Variants in SRGAP3 observed in about 807,000 individuals in gnomAD.
SRGAP3 encodes the protein SLIT-ROBO Rho GTPase activating protein 3.
In SRGAP3, 39 loss-of-function variants were observed where a neutral mutation model predicts 121.1. The ratio of observed to expected loss-of-function variants is 0.32; its 90% CI spans 0.25 to 0.42. The LOEUF is 0.42. Among genes scored for constraint, SRGAP3 ranks in the 10% least tolerant of loss-of-function variants. SRGAP3 has a pLI of 1.00. For synonymous variants in SRGAP3, 601 were observed against 570.0 expected, an observed-to-expected ratio of 1.05 and a Z score of -0.77; for missense variants, 1,213 against 1,470.6, an observed-to-expected ratio of 0.82 and a Z score of 2.86.
chr3:9,105,552 C>G (rs537237277), intron 2 of SRGAP3, among the ~76,000 whole-genome samples: 1 of 152,212 alleles, frequency 6.6e-6, no homozygotes, highest in Non-Finnish European at 1.5e-5. Context: ...AGAGCATGAC[C>G]TGGGGACTGG....
At position 8,990,547 on chromosome 3, in the gene SRGAP3, C is replaced by T; in HGVS notation, c.2851G>A (p.Asp951Asn). The change falls in exon 21 of 22, where the codon GAC (aspartate) becomes AAC (asparagine). Residue 951 changes from aspartate to asparagine, a missense_variant. Asp to Asn is a conservative substitution (Grantham distance 23, BLOSUM62 1). Coordinates refer to ENST00000383836, the MANE Select transcript of SRGAP3 (RefSeq NM_014850.4). ...CGSTRHSSLG[D>N]HKSLEAEALA... ...GCCTCGGCCTCCAGGGACTTGTGGT[C>T]CCCTAGGCTGCTGTGCCTGGTGGAA... 3 of 1,572,302 alleles carry T rather than the reference C, an allele frequency of 1.9e-6. No individual in the cohort carries two copies. The highest frequency in any genetic ancestry group is 1.9e-5 in the Admixed American group (1 of 53,202).
At chr3:9,159,284 C>T (rs1051362170) in intron 1 of SRGAP3, among the ~76,000 whole-genome samples, 5 of 134,168 alleles carry the variant, frequency 3.7e-5, no homozygotes, top group African/African-American at 1.4e-4. Flanking sequence ...ATGATATGTC[C>T]TCTCGCTTTT....
intron 1 of SRGAP3, chr3:9,350,167 T>C (rs1354742002): frequency 2.0e-5 from 3 of 152,350 alleles, no homozygotes; most frequent in Admixed American, 6.5e-5. Context: ...TGTCAGACAC[T>C]GTCCTAAGTG....
intron 1 of SRGAP3, among the ~76,000 whole-genome samples, chr3:9,198,334 C>T (rs1475900284): frequency 6.6e-6 from 1 of 152,224 alleles, no homozygotes; most frequent in African/African-American, 2.4e-5. Flanking sequence ...CATAGGCCCA[C>T]TGAGTCAAGG....
chr3:8,997,673 T>A (rs1942487545), intron 18 of SRGAP3, among the ~76,000 whole-genome samples: 1 of 152,204 alleles, frequency 6.6e-6, no homozygotes, highest in Non-Finnish European at 1.5e-5. Flanking sequence ...GTATGACATT[T>A]TTTAAACACA....
chr3:9,027,262 C>T (rs1378005045), intron 12 of SRGAP3, among the ~76,000 whole-genome samples: 1 of 152,218 alleles, frequency 6.6e-6, no homozygotes, highest in Non-Finnish European at 1.5e-5. Flanking sequence ...GCTCAGGAGG[C>T]CTGGCAGGCC....
rs753092636 is a variant in SRGAP3 at position 8,983,483 on chromosome 3, T to G, written c.*2036A>C. ...CCTAACTTATCTAGGTGCCAGTGAC[T>G]TAACTAGGTCCCTCCCTTTGGGTGT... On this transcript the variant is annotated 3_prime_UTR_variant, in exon 22 of 22. Coordinates refer to ENST00000383836, the MANE Select transcript of SRGAP3 (RefSeq NM_014850.4). The G allele has an allele frequency of 4.3e-6, 1 of 229,896 alleles. No individual in the cohort carries two copies. Among genetic ancestry groups the G allele is most frequent in the Non-Finnish European group, 8.6e-6 (1 of 115,966 alleles). 14.2% of individuals were successfully genotyped at this position (229,896 alleles called of 1,614,324 possible).
chr3:9,145,029 G>C (rs1949977521), intron 1 of SRGAP3, among the ~76,000 whole-genome samples: 1 of 152,138 alleles, frequency 6.6e-6, no homozygotes, highest in African/African-American at 2.4e-5. Context: ...CTCTAAGTTA[G>C]TAACTTTATC....
chr3:9,192,295 G>A (rs1301293215), intron 1 of SRGAP3, among the ~76,000 whole-genome samples: 1 of 152,184 alleles, frequency 6.6e-6, no homozygotes, highest in Non-Finnish European at 1.5e-5. Context: ...ACCCCACATA[G>A]TTTATGCTAA....
intron 3 of SRGAP3, among the ~76,000 whole-genome samples, chr3:9,305,467 T>C (rs1955143557): frequency 6.6e-6 from 1 of 151,808 alleles, no homozygotes; most frequent in Non-Finnish European, 1.5e-5. Context: ...TGTGCAGGTT[T>C]GGTACATAGG....
Position 9,229,068 on chromosome 3 carries a change from C to CAAA in SRGAP3, c.67+19814_67+19816dup, listed in dbSNP as rs61231273. ...TGGGCGACAGAGCGAGACTCCGTCT[C>CAAA]AAAAAAAAAAAAAAAAAAAAAAGTC... On this transcript the variant is annotated intron_variant, in intron 1 of 21. Transcript: ENST00000383836. Among the ~76,000 whole-genome samples, 156 of 73,770 alleles carry CAAA rather than the reference C, an allele frequency of 2.1e-3. 1 individual carries two copies. Among genetic ancestry groups the CAAA allele is most frequent in the African/African-American group, 2.9e-3 (58 of 19,990 alleles). 48.4% of individuals were successfully genotyped at this position (73,770 alleles called of 152,430 possible).
chr3:9,064,868 TAAATA>T (rs1946353259), intron 4 of SRGAP3, among the ~76,000 whole-genome samples: 1 of 74,294 alleles, frequency 1.3e-5, no homozygotes, highest in Non-Finnish European at 4.1e-5. Context: ...TAATAATAAA[TAAATA>T]AATAAATAAA....
chr3:9,141,715 G>C (rs1163786103), intron 1 of SRGAP3, among the ~76,000 whole-genome samples: 1 of 152,102 alleles, frequency 6.6e-6, no homozygotes, highest in Non-Finnish European at 1.5e-5. Flanking sequence ...AGCAGGGCCT[G>C]GTTGTTTGAA....
chr3:9,348,823 C>T (rs751859064), intron 1 of SRGAP3: 40 of 1,356,776 alleles, frequency 2.9e-5, no homozygotes, highest in South Asian at 7.0e-5. Flanking sequence ...TAATGGAGCC[C>T]GACCATCCTT....
intron 1 of SRGAP3, among the ~76,000 whole-genome samples, chr3:9,338,201 A>G (rs1955724098): frequency 1.3e-5 from 2 of 152,152 alleles, no homozygotes. Flanking sequence ...TTGGGGGGGA[A>G]TGGGGCAGAA....
chr3:9,132,430 C>T (rs192248621), intron 1 of SRGAP3, among the ~76,000 whole-genome samples: 1 of 152,280 alleles, frequency 6.6e-6, no homozygotes, highest in East Asian at 1.9e-4. Flanking sequence ...TCTCACTTAC[C>T]CCAACCCTTG....
At chr3:9,009,518 T>A (rs1185363969) in intron 18 of SRGAP3, among the ~76,000 whole-genome samples, 1 of 152,200 alleles carries the variant, frequency 6.6e-6, no homozygotes, top group Admixed American at 6.5e-5. Context: ...TTGTGTTCAT[T>A]TTTTTTCTGA....
At chr3:9,172,441 G>A (rs771542154) in intron 1 of SRGAP3, among the ~76,000 whole-genome samples, 4 of 152,112 alleles carry the variant, frequency 2.6e-5, no homozygotes, top group East Asian at 1.9e-4. Flanking sequence ...CTGTAAAGAC[G>A]CTATTTCCAA....
chr3:9,307,877 G>A lies in SRGAP3; in HGVS notation n.442+18133C>T, dbSNP rs150838905. ...GGTTTAAAAAGTTAGGCCACAGGCT[G>A]GGCGTGGCAGCTCACACCTGTAATC... On this transcript the variant is annotated intron_variant and non_coding_transcript_variant, in intron 3 of 3. Coordinates refer to the SRGAP3 transcript ENST00000490889. Among the ~76,000 whole-genome samples the A allele has an allele frequency of 2.2e-4, 34 of 152,374 alleles. No individual in the cohort carries two copies. In the East Asian group the frequency reaches 6.4e-3, roughly 28 times the overall value.
Sources: gnomAD v4.1 joint callset for allele counts (sites outside exome capture counted in the v4.1 genomes callset) on GRCh38, gnomAD v4.1.1 for gene constraint, MANE v1.5 for transcripts, NCBI Gene and HGNC (gene_info 2026-07-23, HGNC 2026-07-21) for gene names.